NDST3: variants seen among roughly 807,000 people sequenced by gnomAD.
The protein encoded by NDST3 is bifunctional heparan sulfate N-deacetylase/N-sulfotransferase 3.
A neutral mutation model predicts 96.1 loss-of-function variants in NDST3; 58 were observed. That is an observed-to-expected ratio of 0.60 (90% confidence interval 0.49 to 0.75). The LOEUF (loss-of-function observed/expected upper bound fraction) is 0.75. Ranked by LOEUF, NDST3 falls within the 30% of genes least tolerant of loss-of-function variation. The probability of loss-of-function intolerance (pLI) is 0.00; values close to 1 mark genes in which losing one functional copy is unlikely to be tolerated. For synonymous variants in NDST3, 333 were observed against 359.7 expected, an observed-to-expected ratio of 0.93 and a Z score of 0.84; for missense variants, 788 against 1,034.2, an observed-to-expected ratio of 0.76 and a Z score of 3.27.
intron 10 of NDST3, among the ~76,000 whole-genome samples, chr4:118,239,352 C>A (rs941470855): frequency 6.6e-6 from 1 of 151,984 alleles, no homozygotes; most frequent in Non-Finnish European, 1.5e-5. Context: ...CAGATGAAAT[C>A]TTAGGGATTT....
chr4:118,190,024 TA>T lies in NDST3; in HGVS notation c.1540-34459del, dbSNP rs1412899302. On this transcript the variant is annotated intron_variant, in intron 6 of 13. Coordinates refer to ENST00000296499, the MANE Select transcript of NDST3 (RefSeq NM_004784.3). Reference sequence around the variant, plus strand: ...AATGTTTAAATAACTTCAAACTAGATAAAAAAAATTTTAAATACACATTTTA... The same window carrying T: ...AATGTTTAAATAACTTCAAACTAGATAAAAAAATTTTAAATACACATTTTA... 2.6e-5 allele frequency among the ~76,000 whole-genome samples: 4 copies of T among 152,054 alleles called. No individual in the cohort carries two copies. The South Asian group carries it at 6.2e-4, about 24-fold the overall frequency.
chr4:118,155,870 G>C (rs1248979312), intron 6 of NDST3, among the ~76,000 whole-genome samples: 1 of 152,044 alleles, frequency 6.6e-6, no homozygotes, highest in Admixed American at 6.6e-5. Context: ...AGGAGTTTTT[G>C]GAATGGATAT....
intron 13 of NDST3, among the ~76,000 whole-genome samples, chr4:118,255,049 T>C (rs995217538): frequency 6.6e-6 from 1 of 152,184 alleles, no homozygotes; most frequent in Admixed American, 6.5e-5. Context: ...ATAAAATATA[T>C]CATATGCATT....
chr4:118,123,147 T>C (rs991194333), intron 4 of NDST3, among the ~76,000 whole-genome samples: 4 of 152,224 alleles, frequency 2.6e-5, no homozygotes, highest in Non-Finnish European at 5.9e-5. Flanking sequence ...AGGATTTATG[T>C]AGTTTCTTGT....
At chr4:118,205,431 A>G (rs1414453111) in intron 6 of NDST3, among the ~76,000 whole-genome samples, 1 of 144,662 alleles carries the variant, frequency 6.9e-6, no homozygotes, top group Non-Finnish European at 1.5e-5. Flanking sequence ...CCTGCCCTCT[A>G]AATCAGGATA....
chr4:118,243,803 T>G (rs1005707542), intron 12 of NDST3, among the ~76,000 whole-genome samples: 3 of 151,934 alleles, frequency 2.0e-5, no homozygotes, highest in Admixed American at 6.6e-5. Flanking sequence ...TTGACCTGCA[T>G]GCTGTGTATT....
chr4:118,161,598 C>T (rs10012196), intron 6 of NDST3, among the ~76,000 whole-genome samples: 11,205 of 152,192 alleles, frequency 0.074, 924 homozygotes, highest in African/African-American at 0.2. Flanking sequence ...CCCCCAGCCT[C>T]GCTGCCGCCT....
chr4:118,060,305 T>C (rs771466001), intron 2 of NDST3, among the ~76,000 whole-genome samples: 1 of 152,172 alleles, frequency 6.6e-6, no homozygotes, highest in Non-Finnish European at 1.5e-5. Context: ...TTTCATTCTA[T>C]GTTATCTTTT....
At chr4:118,137,821 G>A (rs1733238815) in intron 4 of NDST3, among the ~76,000 whole-genome samples, 1 of 152,100 alleles carries the variant, frequency 6.6e-6, no homozygotes, top group Admixed American at 6.6e-5. Context: ...AAAATCACTA[G>A]ATCTGTCTCA....
intron 2 of NDST3, among the ~76,000 whole-genome samples, chr4:118,080,718 A>T (rs1578597818): frequency 1.3e-5 from 2 of 152,098 alleles, no homozygotes; most frequent in East Asian, 3.9e-4. Flanking sequence ...AGTAATACAC[A>T]TAGGCTCCCT....
chr4:118,169,962 T>C (rs985317464), intron 6 of NDST3, among the ~76,000 whole-genome samples: 20 of 152,178 alleles, frequency 1.3e-4, no homozygotes, highest in Non-Finnish European at 2.6e-4. Context: ...ATGTGATCTT[T>C]ACCGGGGGGC....
At chr4:118,184,189 T>C (rs1160150554) in intron 6 of NDST3, among the ~76,000 whole-genome samples, 1 of 152,220 alleles carries the variant, frequency 6.6e-6, no homozygotes, top group Non-Finnish European at 1.5e-5. Context: ...AAATCATTTC[T>C]TTAAAAAGTA....
At chr4:118,168,101 A>C (rs1197448428) in intron 6 of NDST3, among the ~76,000 whole-genome samples, 7 of 152,058 alleles carry the variant, frequency 4.6e-5, no homozygotes, top group African/African-American at 1.4e-4. Flanking sequence ...ACATTAAAAA[A>C]AATAAAATAA....
chr4:118,110,252 G>C (rs557172480), intron 3 of NDST3, among the ~76,000 whole-genome samples: 2 of 152,316 alleles, frequency 1.3e-5, no homozygotes, highest in Non-Finnish European at 2.9e-5. Context: ...ACAATGAGAA[G>C]AGCAATGTTA....
At chr4:118,044,771 C>T (rs553446765) in intron 1 of NDST3, among the ~76,000 whole-genome samples, 5 of 152,278 alleles carry the variant, frequency 3.3e-5, no homozygotes, top group African/African-American at 1.2e-4. Context: ...GGCCTTCTTA[C>T]TGTGTCATCT....
intron 6 of NDST3, among the ~76,000 whole-genome samples, chr4:118,148,946 G>T (rs1734166948): frequency 6.6e-6 from 1 of 152,092 alleles, no homozygotes; most frequent in Non-Finnish European, 1.5e-5. Flanking sequence ...GTGTAAGGAA[G>T]GGATCCAGTT....
chr4:118,092,773 A>G (rs1296110257), intron 2 of NDST3, among the ~76,000 whole-genome samples: 1 of 151,888 alleles, frequency 6.6e-6, no homozygotes, highest in East Asian at 1.9e-4. Flanking sequence ...CATGTTTCTT[A>G]TGTTCAATAG....
chr4:118,090,066 T>C (rs1466632594), intron 2 of NDST3, among the ~76,000 whole-genome samples: 1 of 151,908 alleles, frequency 6.6e-6, no homozygotes, highest in Non-Finnish European at 1.5e-5. Context: ...ATATCCATAG[T>C]CCATGGGGCA....
intron 4 of NDST3, among the ~76,000 whole-genome samples, chr4:118,115,862 C>T (rs888767698): frequency 6.6e-6 from 1 of 152,046 alleles, no homozygotes; most frequent in African/African-American, 2.4e-5. Flanking sequence ...AGACCAAATA[C>T]TTTATGGTGG....
Sources: allele counts gnomAD v4.1 joint callset (sites outside exome capture counted in the v4.1 genomes callset), GRCh38; gene constraint gnomAD v4.1.1; transcripts MANE v1.5; gene names NCBI Gene and HGNC (gene_info 2026-07-23, HGNC 2026-07-21).